The following SLC2A9 variants were observed in gnomAD, a reference collection of about 807,000 sequenced individuals.
SLC2A9 encodes the protein solute carrier family 2 member 9.
SLC2A9 carries 39 observed loss-of-function variants against 50.6 expected under a neutral mutation model. That is an observed-to-expected ratio of 0.77 (90% CI 0.60 to 1.01). The LOEUF (loss-of-function observed/expected upper bound fraction) is 1.01. Ranked by LOEUF, SLC2A9 falls within the 50% of genes least tolerant of loss-of-function variation. SLC2A9 has a pLI of 0.00. For synonymous variants in SLC2A9, 324 were observed against 276.9 expected (o/e 1.17, Z -1.69); for missense variants, 686 against 677.6 (o/e 1.01, Z -0.14).
At chr4:9,896,978 T>C (rs1738670573) in intron 8 of SLC2A9, among the ~76,000 whole-genome samples, 1 of 152,226 alleles carries the variant, frequency 6.6e-6, no homozygotes, top group Non-Finnish European at 1.5e-5. Flanking sequence ...GTACCAGGAA[T>C]GGTTCCGGCT....
At chr4:9,784,949 A>G (rs1343290703) in intron 3 of SLC2A9, among the ~76,000 whole-genome samples, 1 of 152,214 alleles carries the variant, frequency 6.6e-6, no homozygotes, top group Non-Finnish European at 1.5e-5. Context: ...TGCTTAATAA[A>G]TATTTGTTGA....
At chr4:9,910,281 T>C (rs1741478083) in intron 7 of SLC2A9, among the ~76,000 whole-genome samples, 1 of 152,250 alleles carries the variant, frequency 6.6e-6, no homozygotes, top group Non-Finnish European at 1.5e-5. Context: ...ACATCCATGG[T>C]GTACAGAGGT....
chr4:9,953,662 A>T (rs776200530), intron 5 of SLC2A9, among the ~76,000 whole-genome samples: 13 of 152,144 alleles, frequency 8.5e-5, no homozygotes, highest in Non-Finnish European at 1.3e-4. Context: ...TCACTCTGTT[A>T]CCCAGGCTGG....
At chr4:10,036,115 C>T in intron 1 of SLC2A9, 1 of 179,538 alleles carries the variant, frequency 5.6e-6, no homozygotes. Context: ...TCCATCCATC[C>T]ATCTAGCTAG....
chr4:9,941,357 C>T (rs1748090209), intron 6 of SLC2A9, among the ~76,000 whole-genome samples: 1 of 152,110 alleles, frequency 6.6e-6, no homozygotes, highest in Non-Finnish European at 1.5e-5. Flanking sequence ...TATTTTTCTC[C>T]CCTGTAAAAT....
rs544780666 is a variant in SLC2A9, at chr4:9,807,598, T to TA, written n.421-8358dup. ...ATAGCATCAGTGTGTGATGGATACT[T>TA]ACCAACTGAATGGCATTGCTGAGAA... On this transcript the variant is annotated intron_variant and non_coding_transcript_variant, in intron 3 of 3. Coordinates refer to the SLC2A9 transcript ENST00000503280. 2.6e-5 allele frequency among the ~76,000 whole-genome samples: 4 copies of TA among 152,296 alleles called. No homozygotes were observed. In the East Asian group the frequency reaches 7.7e-4, roughly 29 times the overall value.
At chr4:9,890,101 G>A (rs1227643341) in intron 9 of SLC2A9, among the ~76,000 whole-genome samples, 1 of 152,164 alleles carries the variant, frequency 6.6e-6, no homozygotes, top group East Asian at 1.9e-4. Context: ...TTTCATTTTA[G>A]AGATGAGGCC....
intron 10 of SLC2A9, among the ~76,000 whole-genome samples, chr4:9,885,370 A>T (rs2109706684): frequency 6.6e-6 from 1 of 152,206 alleles, no homozygotes; most frequent in East Asian, 1.9e-4. Flanking sequence ...AGCTTGACTA[A>T]TCCTTTTGCT....
chr4:9,844,720 T>C (rs1728673469), intron 10 of SLC2A9, among the ~76,000 whole-genome samples: 2 of 152,248 alleles, frequency 1.3e-5, no homozygotes, highest in South Asian at 4.1e-4. Context: ...ATCTGCTACC[T>C]TTCTTTCTCC....
At chr4:9,981,267 ATAG>A (rs796550291) in intron 4 of SLC2A9, among the ~76,000 whole-genome samples, 1 of 4,362 alleles carries the variant, frequency 2.3e-4, no homozygotes, top group South Asian at 8.3e-3. Flanking sequence ...GATGATGGTG[ATAG>A]TGGTGGTGGT....
At chr4:9,968,556 A>G (rs1753404592) in intron 5 of SLC2A9, among the ~76,000 whole-genome samples, 1 of 152,186 alleles carries the variant, frequency 6.6e-6, no homozygotes, top group African/African-American at 2.4e-5. Context: ...ATGTGTCTAC[A>G]TTGTTCCATG....
chr4:10,003,701 C>G (rs1760269403), intron 2 of SLC2A9, among the ~76,000 whole-genome samples: 1 of 152,200 alleles, frequency 6.6e-6, no homozygotes, highest in Non-Finnish European at 1.5e-5. Context: ...CACTAACATT[C>G]CCCAAGCTTG....
chr4:9,890,452 C>T (rs978200519), intron 9 of SLC2A9, among the ~76,000 whole-genome samples, 158 bp downstream of exon 9: 17 of 152,172 alleles, frequency 1.1e-4, no homozygotes, highest in African/African-American at 3.9e-4. Flanking sequence ...TTCACTGAGA[C>T]CCTCAGCAGC....
At chr4:9,945,554 G>A (rs568404055) in intron 5 of SLC2A9, among the ~76,000 whole-genome samples, 7 of 152,254 alleles carry the variant, frequency 4.6e-5, no homozygotes, top group South Asian at 2.1e-4. Context: ...GCCACAACTC[G>A]GTCATAGAGG....
chr4:9,955,216 G>A (rs1161521331), intron 5 of SLC2A9, among the ~76,000 whole-genome samples: 1 of 43,468 alleles, frequency 2.3e-5, no homozygotes, highest in Admixed American at 2.5e-4. Context: ...AAGTCGGCCG[G>A]GCGCGGTGGC....
At chr4:9,806,404 C>G (rs764676311) in intron 3 of SLC2A9, among the ~76,000 whole-genome samples, 3 of 152,244 alleles carry the variant, frequency 2.0e-5, no homozygotes, top group Non-Finnish European at 4.4e-5. Flanking sequence ...ATAAGGAATA[C>G]TTTTTATTAA....
downstream of SLC2A9, among the ~76,000 whole-genome samples, chr4:9,795,702 AAC>A (rs1720511182): frequency 6.6e-6 from 1 of 152,232 alleles, no homozygotes; most frequent in Non-Finnish European, 1.5e-5. Context: ...TCAAAAAGTC[AAC>A]AGGAAAGGAT....
chr4:9,804,969 G>A lies in SLC2A9; in HGVS notation n.421-5728C>T, dbSNP rs964613122. 2.6e-5 allele frequency among the ~76,000 whole-genome samples: 4 copies of A among 152,202 alleles called. No homozygotes were observed. The East Asian group carries it at 5.8e-4, about 22-fold the overall frequency. Reference sequence around the variant, plus strand: ...GAGGCTTCTATCCTCCCTAGAGCCAGAGGGACAAAAAGAGGAGATGATGGG... The same window carrying A: ...GAGGCTTCTATCCTCCCTAGAGCCAAAGGGACAAAAAGAGGAGATGATGGG... On this transcript the variant is annotated intron_variant and non_coding_transcript_variant, in intron 3 of 3. Transcript: ENST00000503280.
At chr4:9,939,336 C>T (rs1246472580) in intron 6 of SLC2A9, among the ~76,000 whole-genome samples, 2 of 152,150 alleles carry the variant, frequency 1.3e-5, no homozygotes, top group Admixed American at 1.3e-4. Flanking sequence ...CTGGGGCATG[C>T]TATTATCTAA....
Sources: allele counts gnomAD v4.1 joint callset (sites outside exome capture counted in the v4.1 genomes callset), GRCh38; gene constraint gnomAD v4.1.1; transcripts MANE v1.5; gene names NCBI Gene and HGNC (gene_info 2026-07-23, HGNC 2026-07-21).